Variants in GSPT1 observed in about 807,000 individuals in gnomAD.
GSPT1 encodes the protein eukaryotic peptide chain release factor GTP-binding subunit ERF3A.
GSPT1 carries 20 observed loss-of-function variants against 72.5 expected under a neutral mutation model. The ratio of observed to expected loss-of-function variants is 0.28; its 90% CI spans 0.19 to 0.40. GSPT1 has a LOEUF of 0.40. Ranked by LOEUF, GSPT1 falls within the 10% of genes least tolerant of loss-of-function variation. The probability of loss-of-function intolerance (pLI) is 1.00; values close to 1 mark genes in which losing one functional copy is unlikely to be tolerated. For synonymous variants in GSPT1, 334 were observed against 293.5 expected, an observed-to-expected ratio of 1.14 and a Z score of -1.41; for missense variants, 580 against 811.9, an observed-to-expected ratio of 0.71 and a Z score of 3.47.
chr16:11,888,760 C>A (rs916720864), intron 6 of GSPT1, among the ~76,000 whole-genome samples: 7 of 151,900 alleles, frequency 4.6e-5, no homozygotes, highest in Non-Finnish European at 8.8e-5. Flanking sequence ...GACTCCGTCT[C>A]AAAAAAATAA....
intron 5 of GSPT1, among the ~76,000 whole-genome samples, chr16:11,892,822 T>C (rs2054284344): frequency 1.5e-5 from 1 of 67,022 alleles, no homozygotes; most frequent in African/African-American, 1.0e-4. Context: ...CGATAGAGAT[T>C]CTGTCTCAAA....
chr16:11,907,571 AC>A (rs1186295171), intron 1 of GSPT1, among the ~76,000 whole-genome samples: 6 of 152,004 alleles, frequency 3.9e-5, no homozygotes, highest in African/African-American at 1.5e-4. Flanking sequence ...AGAAAACTAC[AC>A]GCTAGTTGTA....
chr16:11,890,934 G>A (rs1301745048), intron 6 of GSPT1, 128 bp downstream of exon 6: 8 of 594,134 alleles, frequency 1.3e-5, no homozygotes, highest in Non-Finnish European at 2.4e-5. Context: ...TATGAGGAGA[G>A]GGGAAATTTC....
At position 11,897,843 on chromosome 16, in the gene GSPT1, T is replaced by C; in HGVS notation, c.433A>G (p.Ile145Val). ...ATATGGTCAGAAATTTTCTTACCAA[T>C]AGGTTCTGAAAGTTCCATGCTAACA... The part of the protein sequence containing the change: ...SAVSMELSEP[I>V]VENGETEMSP... Residue 145 changes from isoleucine to valine, a missense_variant, in exon 3 of 15, where the codon ATT (isoleucine) becomes GTT (valine). Physicochemically the swap from Ile to Val is conservative, Grantham distance 29. This residue lies in a region of GSPT1 where 327 missense variants were observed against 298.8 expected (regional missense o/e 1.09). Coordinates refer to ENST00000434724, the MANE Select transcript of GSPT1 (RefSeq NM_002094.4). 6.6e-7 allele frequency: 1 copy of C among 1,505,378 alleles called. No homozygotes were observed. The highest frequency in any genetic ancestry group is 1.2e-5 in the South Asian group (1 of 84,018). The allele number at this position is 1,505,378 out of a possible 1,614,324, so 93.3% of individuals were successfully genotyped here. A position where few individuals can be genotyped will look rare whatever the true frequency, so the allele number is the denominator to read the frequency against.
chr16:11,876,421 T>G (rs2054047219), intron 12 of GSPT1, among the ~76,000 whole-genome samples: 1 of 152,166 alleles, frequency 6.6e-6, no homozygotes, highest in Non-Finnish European at 1.5e-5. Flanking sequence ...GGCAAGTCCC[T>G]GGTCAACTTT....
intron 5 of GSPT1, among the ~76,000 whole-genome samples, chr16:11,891,355 C>CAT (rs201867484): frequency 0.019 from 2,694 of 143,532 alleles, 68 homozygotes; most frequent in African/African-American, 0.066. Flanking sequence ...ATATATATTA[C>CAT]ATATATATAT....
upstream of GSPT1, chr16:11,916,096 G>A (rs890192328): frequency 1.2e-4 from 58 of 481,588 alleles, no homozygotes; most frequent in Non-Finnish European, 1.8e-4. Context: ...TATTTAGCGC[G>A]GCGGGAGGTG....
At position 11,915,725 on chromosome 16, in the gene GSPT1, G is replaced by A. The variant is rs780952472; in HGVS notation, c.-5C>T. 4.0e-5 allele frequency: 61 copies of A among 1,512,102 alleles called. No homozygotes were observed. Among genetic ancestry groups the A allele is most frequent in the Non-Finnish European group, 5.3e-5 (60 of 1,136,728 alleles). 93.7% of individuals were successfully genotyped at this position (1,512,102 alleles called of 1,614,324 possible). ...GCCGCCACTGCCCGGATCCATGATC[G>A]GGGGGGCCGTGTGTGTGGTGGACAG... On this transcript the variant is annotated 5_prime_UTR_variant, in exon 1 of 15. Transcript: ENST00000434724.
chr16:11,887,523 C>T (rs1417114005), intron 7 of GSPT1, 47 bp downstream of exon 7: 7 of 1,448,274 alleles, frequency 4.8e-6, no homozygotes, highest in East Asian at 2.3e-5. Context: ...AAGATATAAG[C>T]GGGGCTACTA....
chr16:11,910,502 G>A (rs1210242602), intron 1 of GSPT1, among the ~76,000 whole-genome samples: 1 of 152,166 alleles, frequency 6.6e-6, no homozygotes, highest in Non-Finnish European at 1.5e-5. Flanking sequence ...ACATATATCT[G>A]AGCAAAACCA....
chr16:11,912,732 T>C (rs2054576359), intron 1 of GSPT1, among the ~76,000 whole-genome samples: 1 of 152,260 alleles, frequency 6.6e-6, no homozygotes, highest in Non-Finnish European at 1.5e-5. Context: ...ATGCTTGTTC[T>C]AATATACATT....
At chr16:11,878,119 TA>T (rs2054070157) in intron 11 of GSPT1, among the ~76,000 whole-genome samples, 1 of 152,204 alleles carries the variant, frequency 6.6e-6, no homozygotes, top group Non-Finnish European at 1.5e-5. Flanking sequence ...ATAGCATTGT[TA>T]TTTTTTTATT....
intron 1 of GSPT1, 119 bp downstream of exon 1, chr16:11,915,249 GC>G (rs2054616841): frequency 2.7e-5 from 32 of 1,171,972 alleles, no homozygotes; most frequent in Non-Finnish European, 3.4e-5. Context: ...GGCAGACGGC[GC>G]CACTGTCAGC....
At chr16:11,873,195 T>C (rs1253369648) in intron 14 of GSPT1, 24 bp from the exon 15 acceptor site, 4 of 1,280,070 alleles carry the variant, frequency 3.1e-6, no homozygotes, top group Non-Finnish European at 4.6e-6. Flanking sequence ...TTTAAAAAAA[T>C]CTTTCAGTAG....
At chr16:11,875,480 A>G (rs1299121366) in intron 14 of GSPT1, among the ~76,000 whole-genome samples, 2 of 152,196 alleles carry the variant, frequency 1.3e-5, no homozygotes, top group African/African-American at 4.8e-5. Flanking sequence ...GGATTACATC[A>G]TAGAAATATC....
intron 1 of GSPT1, among the ~76,000 whole-genome samples, chr16:11,910,154 T>C (rs2054540235): frequency 6.6e-6 from 1 of 152,150 alleles, no homozygotes; most frequent in South Asian, 2.1e-4. Context: ...GATCAGGCTT[T>C]GGCTGCAACT....
At chr16:11,905,603 G>A (rs1330297312) in intron 1 of GSPT1, among the ~76,000 whole-genome samples, 1 of 152,176 alleles carries the variant, frequency 6.6e-6, no homozygotes, top group Non-Finnish European at 1.5e-5. Flanking sequence ...GGGAGGCCAA[G>A]GCGGGCAGAT....
intron 14 of GSPT1, among the ~76,000 whole-genome samples, chr16:11,874,236 T>TAC (rs2054011092): frequency 6.6e-6 from 1 of 152,112 alleles, no homozygotes; most frequent in African/African-American, 2.4e-5. Flanking sequence ...TTCATTGAAT[T>TAC]ACATACTTAA....
intron 6 of GSPT1, among the ~76,000 whole-genome samples, chr16:11,889,082 G>A (rs2054220849): frequency 6.6e-6 from 1 of 152,098 alleles, no homozygotes; most frequent in Non-Finnish European, 1.5e-5. Context: ...GCTGAGGCAG[G>A]CAGATCACAA....
Sources: gnomAD v4.1 joint callset for allele counts (sites outside exome capture counted in the v4.1 genomes callset) on GRCh38, gnomAD v4.1.1 for gene constraint, gnomAD v4.1.1 regional missense constraint, MANE v1.5 for transcripts, NCBI Gene and HGNC (gene_info 2026-07-23, HGNC 2026-07-21) for gene names.